Variants in CHODL observed in about 807,000 individuals in gnomAD.
The protein encoded by CHODL is transmembrane protein MT75.
In CHODL, 29 loss-of-function variants were observed where a neutral mutation model predicts 34.5. The observed-to-expected ratio is 0.84, with a 90% confidence interval of 0.63 to 1.15. CHODL has a LOEUF of 1.15. CHODL is among the 50% of genes most tolerant of loss of function. The pLI is 0.00. For missense variants in CHODL, 332 were observed against 332.5 expected (o/e 1.00, Z 0.01); for synonymous variants, 125 against 116.1 (o/e 1.08, Z -0.49).
chr21:18,261,720 A>G (rs1384733657), intron 4 of CHODL, among the ~76,000 whole-genome samples: 1 of 152,096 alleles, frequency 6.6e-6, no homozygotes, highest in Non-Finnish European at 1.5e-5. Context: ...TTCTCTTTTG[A>G]AATTGAGCAG....
chr21:18,113,115 A>G (rs766796546), intron 2 of CHODL, among the ~76,000 whole-genome samples: 1 of 152,210 alleles, frequency 6.6e-6, no homozygotes, highest in Non-Finnish European at 1.5e-5. Flanking sequence ...AAAAATTTGA[A>G]TGGACATTTC....
Position 18,126,753 on chromosome 21 carries a change from A to G in CHODL, c.-45+98782A>G, listed in dbSNP as rs73312436. On this transcript the variant is annotated intron_variant, in intron 2 of 6. Transcript: ENST00000400127. ...TTTAAAAAATCTTTCATAAATTAAG[A>G]GGATTATTAAATTTACAGATATTAA... is the stretch of plus-strand genomic sequence containing the variant. Among the ~76,000 whole-genome samples the G allele has an allele frequency of 6.8e-3, 1,040 of 152,332 alleles. 13 individuals carry two copies. The highest frequency in any genetic ancestry group is 0.024 in the African/African-American group (1,013 of 41,564).
chr21:17,940,027 T>C (rs768640718), intron 1 of CHODL, among the ~76,000 whole-genome samples: 1 of 152,232 alleles, frequency 6.6e-6, no homozygotes, highest in Non-Finnish European at 1.5e-5. Context: ...GGGCCCACAC[T>C]TCTTTTAGTG....
At chr21:18,262,968 C>T in intron 5 of CHODL, 75 bp downstream of exon 5, 1 of 808,856 alleles carries the variant, frequency 1.2e-6, no homozygotes, top group East Asian at 2.5e-5. Context: ...AAACTATTAG[C>T]ATAAAGTTAA....
chr21:18,119,269 A>G (rs1052831387), intron 2 of CHODL, among the ~76,000 whole-genome samples: 2 of 151,740 alleles, frequency 1.3e-5, no homozygotes, highest in Non-Finnish European at 2.9e-5. Context: ...CTGATCTAGT[A>G]TCTGTTCCAG....
At chr21:18,132,126 A>AT (rs2072662496) in intron 2 of CHODL, among the ~76,000 whole-genome samples, 1 of 152,084 alleles carries the variant, frequency 6.6e-6, no homozygotes, top group Non-Finnish European at 1.5e-5. Flanking sequence ...ATATGTGCAC[A>AT]ATATGCAGGT....
chr21:18,256,716 ATGG>A lies in CHODL; in HGVS notation c.290_292del (p.Gly97del), dbSNP rs751629840. ...ACAAAACCCGGGACAGGGATTTCTG[ATGG>A]TGATTTCTGGATAGGGCTTTGGAGG... On this transcript the variant is annotated inframe_deletion, in exon 2 of 6. Coordinates refer to ENST00000299295, the MANE Select transcript of CHODL (RefSeq NM_024944.3). 3 of 1,613,920 alleles carry A rather than the reference ATGG, an allele frequency of 1.9e-6. No individual in the cohort carries two copies. The highest frequency in any genetic ancestry group is 2.2e-5 in the South Asian group (2 of 91,086).
In CHODL at chr21:18,214,802, G is replaced by A. The variant is rs528638931; in HGVS notation, c.-44-41707G>A. 1.4e-4 allele frequency among the ~76,000 whole-genome samples: 22 copies of A among 152,180 alleles called. No individual in the cohort carries two copies. The South Asian group carries it at 4.6e-3, about 32-fold the overall frequency. The stretch of plus-strand genomic sequence containing the variant: ...TGAACTGAGCCAGAATCACTTAGGC[G>A]ATAGTCACCTTATGTCCCTAACTTA... On this transcript the variant is annotated intron_variant, in intron 2 of 6. Transcript: ENST00000400127.
At chr21:18,109,685 G>T (rs2146559404) in intron 2 of CHODL, among the ~76,000 whole-genome samples, 1 of 152,108 alleles carries the variant, frequency 6.6e-6, no homozygotes, top group African/African-American at 2.4e-5. Context: ...GGGCTGCATT[G>T]TAAGTGTTAA....
At chr21:18,104,919 G>A (rs989702287) in intron 2 of CHODL, among the ~76,000 whole-genome samples, 1 of 152,170 alleles carries the variant, frequency 6.6e-6, no homozygotes, top group Non-Finnish European at 1.5e-5. Context: ...TTCCCTAATG[G>A]TGCTAATTGA....
intron 2 of CHODL, among the ~76,000 whole-genome samples, chr21:18,212,675 C>T (rs1034146502): frequency 2.0e-5 from 3 of 151,958 alleles, no homozygotes; most frequent in East Asian, 1.9e-4. Flanking sequence ...ATATTTAATA[C>T]CTGAAATTTA....
At chr21:18,257,204 AC>A in intron 3 of CHODL, 77 bp downstream of exon 3, 1 of 1,329,266 alleles carries the variant, frequency 7.5e-7, no homozygotes, top group Non-Finnish European at 1.0e-6. Flanking sequence ...AATTTTGACT[AC>A]CTGTGGCTCT....
intron 2 of CHODL, among the ~76,000 whole-genome samples, chr21:18,201,098 T>G (rs67168161): frequency 0.17 from 25,654 of 152,136 alleles, 2,775 homozygotes; most frequent in African/African-American, 0.3. Context: ...AAAAAATAGG[T>G]AATATTTAAT....
chr21:18,243,037 G>A (rs983933254), upstream of CHODL, among the ~76,000 whole-genome samples: 2 of 152,184 alleles, frequency 1.3e-5, no homozygotes, highest in Non-Finnish European at 1.5e-5. Flanking sequence ...GGGGAAAGGA[G>A]ATCCCCTTCA....
Position 18,195,093 on chromosome 21 carries a change from C to T in CHODL, c.-44-61416C>T, listed in dbSNP as rs150033231. On this transcript the variant is annotated intron_variant, in intron 2 of 6. Transcript: ENST00000400127. ...TTTTTGACATGGAGTCTCTCTCTGT[C>T]GCCCAGGCTGGAGTGCAGTGGTGTG... Among the ~76,000 whole-genome samples, 892 of 151,864 alleles carry T rather than the reference C, an allele frequency of 5.9e-3. 8 individuals carry two copies. Among genetic ancestry groups the T allele is most frequent in the African/African-American group, 0.019 (804 of 41,360 alleles).
intron 2 of CHODL, among the ~76,000 whole-genome samples, chr21:18,239,382 G>A (rs1326979536): frequency 1.3e-5 from 2 of 152,058 alleles, no homozygotes; most frequent in Non-Finnish European, 2.9e-5. Flanking sequence ...AAGAGCAGCA[G>A]AGTGACAGAT....
intron 2 of CHODL, among the ~76,000 whole-genome samples, chr21:18,071,146 A>ATTTTT (rs10634402): frequency 1.8e-4 from 20 of 112,644 alleles, no homozygotes; most frequent in South Asian, 2.9e-4. Flanking sequence ...TAACTACAGC[A>ATTTTT]TTTTTTTTTT....
chr21:18,161,599 ATTT>A (rs1368916888), intron 2 of CHODL, among the ~76,000 whole-genome samples: 1 of 151,652 alleles, frequency 6.6e-6, no homozygotes, highest in East Asian at 1.9e-4. Flanking sequence ...TTTACTTTTT[ATTT>A]TTTTCCTTAG....
chr21:18,070,790 A>G (rs1194410581), intron 2 of CHODL, among the ~76,000 whole-genome samples: 1 of 151,948 alleles, frequency 6.6e-6, no homozygotes, highest in East Asian at 1.9e-4. Context: ...CATAACTTCA[A>G]CTACTGCTTG....
Sources: gnomAD v4.1 joint callset for allele counts (sites outside exome capture counted in the v4.1 genomes callset) on GRCh38, gnomAD v4.1.1 for gene constraint, MANE v1.5 for transcripts, NCBI Gene and HGNC (gene_info 2026-07-23, HGNC 2026-07-21) for gene names.